TMEM132B: variants seen among roughly 807,000 people sequenced by gnomAD.
The protein encoded by TMEM132B is transmembrane protein 132B.
A neutral mutation model predicts 90.8 loss-of-function variants in TMEM132B; 18 were observed. That is an observed-to-expected ratio of 0.20 (90% CI 0.14 to 0.29). The LOEUF (loss-of-function observed/expected upper bound fraction) is 0.29, where lower values mean the gene tolerates loss of function less well. TMEM132B is among the 10% of genes least tolerant of loss of function. The probability of loss-of-function intolerance (pLI) is 1.00; values close to 1 mark genes in which losing one functional copy is unlikely to be tolerated. For synonymous variants in TMEM132B, 504 were observed against 523.3 expected (o/e 0.96, Z 0.50); for missense variants, 1,096 against 1,326.8 (o/e 0.83, Z 2.70).
chr12:125,489,377 T>A (rs938102457), intron 3 of TMEM132B, among the ~76,000 whole-genome samples: 2 of 152,044 alleles, frequency 1.3e-5, no homozygotes, highest in East Asian at 3.9e-4. Flanking sequence ...TATTTAAAAA[T>A]TTTTACTTAT....
chr12:125,364,341 G>C (rs73424757), intron 2 of TMEM132B, among the ~76,000 whole-genome samples: 9,199 of 152,162 alleles, frequency 0.06, 859 homozygotes, highest in African/African-American at 0.2. Flanking sequence ...AAAGTTAAAA[G>C]AAATGTATTG....
chr12:125,212,719 A>G lies in TMEM132B; in HGVS notation c.67+25853A>G, dbSNP rs112560660. Among the ~76,000 whole-genome samples the G allele has an allele frequency of 1.1e-4, 17 of 152,196 alleles. 2 individuals are homozygous for G. The highest frequency in any genetic ancestry group is 3.9e-4 in the African/African-American group (16 of 41,526). On this transcript the variant is annotated intron_variant, in intron 1 of 8. Coordinates refer to ENST00000682704, the MANE Select transcript of TMEM132B (RefSeq NM_001366854.1). ...AAAAAAAAAGAAATTCCTGGGCTCA[A>G]GTGATCCTCCCACCTCGATCTCCCA...
intron 4 of TMEM132B, among the ~76,000 whole-genome samples, chr12:125,541,347 C>T (rs1189384186): frequency 6.6e-6 from 1 of 152,140 alleles, no homozygotes; most frequent in Non-Finnish European, 1.5e-5. Flanking sequence ...GACCCTGGCA[C>T]CCCTGATTCT....
intron 2 of TMEM132B, among the ~76,000 whole-genome samples, chr12:125,363,304 GA>G (rs1431465852): frequency 2.6e-5 from 4 of 152,186 alleles, no homozygotes; most frequent in Admixed American, 1.3e-4. Flanking sequence ...ATACCTCTGT[GA>G]ATAGTCCCTT....
At chr12:125,436,203 T>C (rs957812154) in intron 3 of TMEM132B, among the ~76,000 whole-genome samples, 3 of 152,090 alleles carry the variant, frequency 2.0e-5, no homozygotes, top group African/African-American at 7.2e-5. Flanking sequence ...CATGAGCACA[T>C]TGTATGAAGC....
chr12:125,314,509 G>A (rs536684706), intron 1 of TMEM132B, among the ~76,000 whole-genome samples: 2 of 152,308 alleles, frequency 1.3e-5, no homozygotes, highest in African/African-American at 4.8e-5. Context: ...GGTTTCTTGT[G>A]CTGCATTGAG....
intron 3 of TMEM132B, among the ~76,000 whole-genome samples, chr12:125,428,273 T>C (rs35844323): frequency 0.13 from 19,467 of 151,348 alleles, 1,306 homozygotes; most frequent in African/African-American, 0.15. Context: ...GGATTACAGG[T>C]GTGAGCCACT....
In TMEM132B at chr12:125,654,130, A is replaced by T; in HGVS notation, c.2672A>T (p.Asp891Val). The change falls in exon 9 of 9, where the codon GAC becomes GTC. Residue 891 changes from aspartate to valine, a missense_variant. Asp to Val is a radical substitution (Grantham distance 152, BLOSUM62 -3). Coordinates refer to ENST00000682704, the MANE Select transcript of TMEM132B (RefSeq NM_001366854.1). This position sits in a 1 kb window ranked among gnomAD's most constrained non-coding sequence, Gnocchi z 5.8. ...TCACCGGACCCCAATAATCCTAGTG[A>T]CCTCACAGTGACCTCAAGGGGGCTA... Reference protein sequence around the residue: ...GKSPDPNNPSDLTVTSRGLTD... With the variant: ...GKSPDPNNPSVLTVTSRGLTD... The T allele has an allele frequency of 6.2e-7, 1 of 1,614,196 alleles. No individual in the cohort carries two copies. The highest frequency in any genetic ancestry group is 1.7e-5 in the Admixed American group (1 of 60,024).
chr12:125,412,900 T>A (rs1016896690), intron 2 of TMEM132B, among the ~76,000 whole-genome samples: 88 of 152,086 alleles, frequency 5.8e-4, no homozygotes, highest in African/African-American at 2.1e-3. Flanking sequence ...AAGTAGCAGA[T>A]TTGGACCCCA....
intron 3 of TMEM132B, among the ~76,000 whole-genome samples, chr12:125,479,704 TAGA>T (rs1178221938): frequency 6.6e-6 from 1 of 151,772 alleles, no homozygotes; most frequent in Non-Finnish European, 1.5e-5. Flanking sequence ...ATTAACGAGA[TAGA>T]AGGTTAACAA....
intron 1 of TMEM132B, among the ~76,000 whole-genome samples, chr12:125,249,327 C>T (rs930628455): frequency 3.3e-5 from 5 of 152,174 alleles, no homozygotes; most frequent in Non-Finnish European, 4.4e-5. Flanking sequence ...GGTTCCCAGA[C>T]GCTGCAGGTG....
chr12:125,448,835 A>G (rs187112051), intron 3 of TMEM132B, among the ~76,000 whole-genome samples: 2 of 152,112 alleles, frequency 1.3e-5, no homozygotes, highest in East Asian at 3.9e-4. Flanking sequence ...TCAACATTTG[A>G]TATTGTCAGT....
intron 2 of TMEM132B, among the ~76,000 whole-genome samples, chr12:125,394,228 A>G (rs1879109071): frequency 6.6e-6 from 1 of 152,244 alleles, no homozygotes; most frequent in Non-Finnish European, 1.5e-5. Flanking sequence ...CAGAGAGGTT[A>G]AGTAACTTGC....
chr12:125,204,308 G>A lies in TMEM132B; in HGVS notation c.67+17442G>A, dbSNP rs373402780. On this transcript the variant is annotated intron_variant, in intron 1 of 8. Coordinates refer to ENST00000682704, the MANE Select transcript of TMEM132B (RefSeq NM_001366854.1). Reference sequence around the variant, plus strand: ...CATGAATCCTTTCAATGAGGGCTCCGTGTGCCAGGCAGGGTGCTTAGCCCT... The same window carrying A: ...CATGAATCCTTTCAATGAGGGCTCCATGTGCCAGGCAGGGTGCTTAGCCCT... Among the ~76,000 whole-genome samples, 351 of 113,654 alleles carry A rather than the reference G, an allele frequency of 3.1e-3. 2 individuals carry two copies. The highest frequency in any genetic ancestry group is 5.7e-3 in the African/African-American group (208 of 36,468). The allele number at this position is 113,654 out of a possible 152,430, so 74.6% of individuals were successfully genotyped here.
intron 1 of TMEM132B, among the ~76,000 whole-genome samples, chr12:125,316,337 A>C (rs1876272908): frequency 6.6e-6 from 1 of 152,138 alleles, no homozygotes; most frequent in South Asian, 2.1e-4. Flanking sequence ...GGGGGGCGGG[A>C]GCAGTGGCTG....
At chr12:125,605,503 G>T (rs1433822211) in intron 5 of TMEM132B, among the ~76,000 whole-genome samples, 1 of 152,138 alleles carries the variant, frequency 6.6e-6, no homozygotes, top group Admixed American at 6.5e-5. Context: ...AGACAGGCCT[G>T]GTTACCTGTT....
At chr12:125,495,737 C>G (rs1475038173) in intron 3 of TMEM132B, among the ~76,000 whole-genome samples, 1 of 152,152 alleles carries the variant, frequency 6.6e-6, no homozygotes, top group Non-Finnish European at 1.5e-5. Context: ...CTGCTCATCC[C>G]TTCATGGCAC....
chr12:125,629,998 C>T lies in TMEM132B; in HGVS notation c.1438-14078C>T, dbSNP rs1886323015. The stretch of plus-strand genomic sequence containing the variant: ...ATCCCAGGGATAAATCCCACTTGAT[C>T]ATGATGAATCATCTTTCTAATGTAT... On this transcript the variant is annotated intron_variant, in intron 5 of 8. Coordinates refer to ENST00000682704, the MANE Select transcript of TMEM132B (RefSeq NM_001366854.1). Among the ~76,000 whole-genome samples the T allele has an allele frequency of 2.0e-5, 3 of 152,112 alleles. No homozygotes were observed. The South Asian group carries it at 6.2e-4, about 32-fold the overall frequency.
At chr12:125,396,457 A>G (rs912398204) in intron 2 of TMEM132B, among the ~76,000 whole-genome samples, 3 of 152,156 alleles carry the variant, frequency 2.0e-5, no homozygotes, top group African/African-American at 7.2e-5. Flanking sequence ...CTTTGTATAT[A>G]CTGTCTCCAT....
Sources: allele counts gnomAD v4.1 joint callset (sites outside exome capture counted in the v4.1 genomes callset), GRCh38; gene constraint gnomAD v4.1.1; non-coding constraint Gnocchi (gnomAD v3.1); transcripts MANE v1.5; gene names NCBI Gene and HGNC (gene_info 2026-07-23, HGNC 2026-07-21).